The following RANBP2 variants were observed in gnomAD, a reference collection of about 807,000 sequenced individuals.
RANBP2 encodes RAN binding protein 2.
RANBP2 carries 57 observed loss-of-function variants against 303.6 expected under a neutral mutation model. The observed-to-expected ratio is 0.19, with a 90% CI of 0.15 to 0.23. The LOEUF is 0.23. RANBP2 is among the 10% of genes least tolerant of loss of function. The pLI is 1.00. For missense variants in RANBP2, 3,138 were observed against 3,780.8 expected (o/e 0.83, Z 4.46); for synonymous variants, 1,167 against 1,301.5 (o/e 0.90, Z 2.23).
the RANBP2 span, among the ~76,000 whole-genome samples, chr2:109,452,825 C>G: frequency 2.7e-5 from 4 of 145,912 alleles, no homozygotes; most frequent in African/African-American, 1.0e-4. Context: ...TTCTGGGAGG[C>G]TGGTGCCAGG....
the RANBP2 span, among the ~76,000 whole-genome samples, chr2:109,100,469 C>G: frequency 2.0e-5 from 3 of 152,162 alleles, no homozygotes; most frequent in Admixed American, 6.5e-5. Flanking sequence ...TTATCTTCCA[C>G]AAAATTGGTC....
the RANBP2 span, among the ~76,000 whole-genome samples, chr2:109,764,777 A>C: frequency 7.9e-6 from 1 of 126,266 alleles, no homozygotes; most frequent in South Asian, 2.8e-4. Context: ...TTGGGCAAAG[A>C]AAACTTGAAC....
At chr2:108,719,788 A>G in intron 1 of RANBP2, 110 bp downstream of exon 1, 3 of 1,507,230 alleles carry the variant, frequency 2.0e-6, no homozygotes, top group East Asian at 5.0e-5. Context: ...CGCTCTGTTG[A>G]GGCGCCGGCC....
the RANBP2 span, among the ~76,000 whole-genome samples, chr2:109,687,649 C>A: frequency 1.1e-4 from 16 of 152,178 alleles, no homozygotes; most frequent in Non-Finnish European, 1.6e-4. Context: ...AAAATCCACA[C>A]CTGCTCTGTA....
the RANBP2 span, among the ~76,000 whole-genome samples, chr2:109,235,544 C>T: frequency 6.6e-6 from 1 of 152,246 alleles, no homozygotes; most frequent in Non-Finnish European, 1.5e-5. Context: ...GAAGCAGGTG[C>T]TGCTGGAAGT....
the RANBP2 span, among the ~76,000 whole-genome samples, chr2:109,087,688 A>T: frequency 3.9e-5 from 6 of 152,196 alleles, no homozygotes; most frequent in African/African-American, 1.4e-4. Flanking sequence ...AATGATACCT[A>T]GAGTGGGAAA....
the RANBP2 span, among the ~76,000 whole-genome samples, chr2:109,333,760 T>A: frequency 1.3e-5 from 2 of 152,216 alleles, no homozygotes; most frequent in Non-Finnish European, 2.9e-5. Flanking sequence ...AGCATGACCT[T>A]GAACATGTTA....
chr2:109,566,655 TGA>T, the RANBP2 span, among the ~76,000 whole-genome samples: 1 of 151,842 alleles, frequency 6.6e-6, no homozygotes, highest in African/African-American at 2.4e-5. Context: ...TCCTAGAAAT[TGA>T]GAGGAGTGAG....
At chr2:108,953,092 G>A in the RANBP2 span, among the ~76,000 whole-genome samples, 8 of 152,224 alleles carry the variant, frequency 5.3e-5, no homozygotes, top group Non-Finnish European at 8.8e-5. Context: ...ATCATGAAAA[G>A]TGGGGTATCC....
chr2:109,632,733 C>A, the RANBP2 span, among the ~76,000 whole-genome samples: 189 of 151,984 alleles, frequency 1.2e-3, no homozygotes, highest in African/African-American at 4.3e-3. Context: ...GCAGGAGAAT[C>A]GCTTGAACCC....
chr2:108,811,107 T>C, the RANBP2 span, among the ~76,000 whole-genome samples: 1 of 6,892 alleles, frequency 1.5e-4, no homozygotes, highest in South Asian at 4.8e-3. Context: ...TTTCTTTTTT[T>C]TTTTCTTTTT....
At chr2:109,199,928 G>A in the RANBP2 span, among the ~76,000 whole-genome samples, 1 of 150,732 alleles carries the variant, frequency 6.6e-6, no homozygotes, top group East Asian at 1.9e-4. Flanking sequence ...TATAGCACCC[G>A]CTGTACAGCA....
the RANBP2 span, among the ~76,000 whole-genome samples, chr2:109,068,920 A>C: frequency 6.6e-6 from 1 of 152,228 alleles, no homozygotes; most frequent in Non-Finnish European, 1.5e-5. Flanking sequence ...AATTGATTTT[A>C]CCATGGCTGA....
At chr2:109,716,218 A>T in the RANBP2 span, among the ~76,000 whole-genome samples, 2 of 151,854 alleles carry the variant, frequency 1.3e-5, no homozygotes, top group African/African-American at 2.4e-5. Context: ...TATTTTTTTT[A>T]ATTTTATTTA....
the RANBP2 span, among the ~76,000 whole-genome samples, chr2:109,232,472 C>G: frequency 5.9e-5 from 9 of 152,302 alleles, no homozygotes; most frequent in African/African-American, 2.2e-4. Context: ...ATGGTTACAC[C>G]TGTCCCGTAG....
the RANBP2 span, among the ~76,000 whole-genome samples, chr2:109,004,397 G>A: frequency 9.9e-5 from 15 of 152,098 alleles, no homozygotes; most frequent in Non-Finnish European, 1.9e-4. Flanking sequence ...AAGTGTCTTA[G>A]AAATGCACAT....
chr2:109,559,931 T>TTG, the RANBP2 span, among the ~76,000 whole-genome samples: 1 of 148,210 alleles, frequency 6.7e-6, no homozygotes, highest in African/African-American at 2.5e-5. Context: ...TTTTTTTTTT[T>TTG]GTCTTTTAAG....
At chr2:108,900,373 C>T in the RANBP2 span, among the ~76,000 whole-genome samples, 2 of 151,976 alleles carry the variant, frequency 1.3e-5, no homozygotes, top group East Asian at 1.9e-4. Flanking sequence ...CTGGTCAACA[C>T]GGTGAAACCC....
chr2:108,837,672 A>G, the RANBP2 span, among the ~76,000 whole-genome samples: 1 of 152,236 alleles, frequency 6.6e-6, no homozygotes, highest in Non-Finnish European at 1.5e-5. Flanking sequence ...TAGCACACAC[A>G]GCTATGTAGA....
Sources: allele counts gnomAD v4.1 joint callset (sites outside exome capture counted in the v4.1 genomes callset), GRCh38; gene constraint gnomAD v4.1.1; transcripts MANE v1.5; gene names NCBI Gene and HGNC (gene_info 2026-07-23, HGNC 2026-07-21).